The following GALNT3 variants were observed in gnomAD, a reference collection of about 807,000 sequenced individuals.
GALNT3 encodes the protein GalNAc transferase 3.
In GALNT3, 51 loss-of-function variants were observed where a neutral mutation model predicts 69.8. The ratio of observed to expected loss-of-function variants is 0.73; its 90% CI spans 0.58 to 0.92. The LOEUF is 0.92. Among genes scored for constraint, GALNT3 ranks in the 40% least tolerant of loss-of-function variants. The pLI, the probability that GALNT3 is intolerant of heterozygous loss-of-function variation, is 0.00. For missense variants in GALNT3, 711 were observed against 760.0 expected, an observed-to-expected ratio of 0.94 and a Z score of 0.76; for synonymous variants, 265 against 248.5, an observed-to-expected ratio of 1.07 and a Z score of -0.63.
At chr2:165,786,730 G>A (rs1021927303) in intron 1 of GALNT3, among the ~76,000 whole-genome samples, 2 of 152,094 alleles carry the variant, frequency 1.3e-5, no homozygotes, top group South Asian at 2.1e-4. Context: ...GTACTGCTTC[G>A]ACTTGAGTCT....
chr2:165,750,384 T>C (rs1688337688), intron 9 of GALNT3, among the ~76,000 whole-genome samples: 1 of 152,184 alleles, frequency 6.6e-6, no homozygotes, highest in African/African-American at 2.4e-5. Flanking sequence ...TTAATACGCA[T>C]AATACATTTA....
At chr2:165,771,308 C>T (rs1291002106) in intron 1 of GALNT3, 1 of 152,150 alleles carries the variant, frequency 6.6e-6, no homozygotes, top group Non-Finnish European at 1.5e-5. Context: ...GATAATACAG[C>T]AGTTTCATCA....
At chr2:165,782,360 T>C (rs1683127299) in intron 1 of GALNT3, among the ~76,000 whole-genome samples, 2 of 146,742 alleles carry the variant, frequency 1.4e-5, no homozygotes, top group African/African-American at 2.5e-5. Context: ...ACTAACACGA[T>C]AGCTGATGAG....
At chr2:165,787,043 G>A (rs144917521) in intron 1 of GALNT3, among the ~76,000 whole-genome samples, 11 of 152,260 alleles carry the variant, frequency 7.2e-5, no homozygotes, top group East Asian at 3.9e-4. Flanking sequence ...TGCCTCCTTC[G>A]TGGGGAAACT....
Position 165,748,551 on chromosome 2 carries a change from TACATCTGG to T in GALNT3, c.*222_*229del, listed in dbSNP as rs1688300634. ...ATCATACTGTAAACATCTCTTCCCCTACATCTGGACATTTTGAAATAGTCTTTGGTATT... is the reference window on the plus strand; with the variant it reads ...ATCATACTGTAAACATCTCTTCCCCTACATTTTGAAATAGTCTTTGGTATT... On this transcript the variant is annotated 3_prime_UTR_variant, in exon 11 of 11. Coordinates refer to ENST00000392701, the MANE Select transcript of GALNT3 (RefSeq NM_004482.4). 1 of 525,550 alleles carries T rather than the reference TACATCTGG, an allele frequency of 1.9e-6. No individual in the cohort carries two copies. The highest frequency in any genetic ancestry group is 3.3e-5 in the Admixed American group (1 of 30,624). 32.6% of individuals were successfully genotyped at this position (525,550 alleles called of 1,614,324 possible).
At chr2:165,759,012 A>G (rs1688495405) in intron 5 of GALNT3, 148 bp from the exon 6 acceptor site, 1 of 690,252 alleles carries the variant, frequency 1.4e-6, no homozygotes, top group Non-Finnish European at 2.5e-6. Context: ...GCTATCTTCA[A>G]AGTCAAGATT....
intron 6 of GALNT3, 187 bp downstream of exon 6, chr2:165,758,560 A>G: frequency 2.0e-6 from 1 of 494,030 alleles, no homozygotes; most frequent in Non-Finnish European, 3.6e-6. Flanking sequence ...TACACTGGCG[A>G]CAATGAATAA....
intron 1 of GALNT3, among the ~76,000 whole-genome samples, chr2:165,784,839 A>G (rs990934605): frequency 6.6e-6 from 1 of 152,244 alleles, no homozygotes; most frequent in Admixed American, 6.5e-5. Flanking sequence ...AGTTTTATCC[A>G]GTTCAAAATG....
intron 5 of GALNT3, 91 bp from the exon 6 acceptor site, chr2:165,758,955 A>G: frequency 1.2e-6 from 1 of 857,252 alleles, no homozygotes; most frequent in South Asian, 1.4e-5. Context: ...AATTAAAGCC[A>G]TATCACATTT....
chr2:165,761,522 A>G (rs1213904098), intron 4 of GALNT3, among the ~76,000 whole-genome samples: 2 of 152,078 alleles, frequency 1.3e-5, no homozygotes, highest in Non-Finnish European at 2.9e-5. Context: ...ACATTTAAAT[A>G]GTAAATAAGC....
chr2:165,792,953 G>T (rs1198650764), intron 1 of GALNT3, among the ~76,000 whole-genome samples: 1 of 152,158 alleles, frequency 6.6e-6, no homozygotes, highest in African/African-American at 2.4e-5. Context: ...GAATTTGACT[G>T]TAAATGTCTT....
At chr2:165,786,600 T>C (rs1683226805) in intron 1 of GALNT3, among the ~76,000 whole-genome samples, 1 of 152,244 alleles carries the variant, frequency 6.6e-6, no homozygotes, top group Non-Finnish European at 1.5e-5. Flanking sequence ...ACTGTGCTTT[T>C]TTATATTATT....
intron 1 of GALNT3, among the ~76,000 whole-genome samples, chr2:165,791,867 G>T (rs766052046): frequency 6.6e-6 from 1 of 152,146 alleles, no homozygotes; most frequent in Non-Finnish European, 1.5e-5. Flanking sequence ...TAGTTTCCAC[G>T]AAGTCAGGCA....
intron 1 of GALNT3, among the ~76,000 whole-genome samples, chr2:165,789,608 C>T (rs1318345590): frequency 6.6e-6 from 1 of 152,066 alleles, no homozygotes; most frequent in Non-Finnish European, 1.5e-5. Flanking sequence ...GATTTGACAG[C>T]CTGTAGTCTC....
At chr2:165,756,307 C>A (rs1212144324) in intron 7 of GALNT3, among the ~76,000 whole-genome samples, 2 of 152,082 alleles carry the variant, frequency 1.3e-5, no homozygotes, top group Non-Finnish European at 2.9e-5. Context: ...AGTTAATTTA[C>A]CTTATCTAAT....
chr2:165,791,406 G>C (rs2105235492), intron 1 of GALNT3, among the ~76,000 whole-genome samples: 1 of 152,146 alleles, frequency 6.6e-6, no homozygotes, highest in Non-Finnish European at 1.5e-5. Context: ...TCATAAAGCA[G>C]TCTAATTGTT....
At position 165,785,537 on chromosome 2, in the gene GALNT3, T is replaced by C. The variant is rs79423810; in HGVS notation, c.-109+8478A>G. 3.1e-3 allele frequency among the ~76,000 whole-genome samples: 478 copies of C among 152,266 alleles called. 4 individuals are homozygous for C. The highest frequency in any genetic ancestry group is 0.011 in the African/African-American group (464 of 41,540). ...AACAACTGCAACTACTAACACATTT[T>C]TAAGAATTAAATAAAACAGAAAGGA... On this transcript the variant is annotated intron_variant, in intron 1 of 10. Coordinates refer to ENST00000392701, the MANE Select transcript of GALNT3 (RefSeq NM_004482.4).
chr2:165,774,093 A>G (rs935265224), intron 1 of GALNT3, among the ~76,000 whole-genome samples: 1 of 152,194 alleles, frequency 6.6e-6, no homozygotes, highest in African/African-American at 2.4e-5. Context: ...AAGAATGGTC[A>G]AAATGTTGGG....
chr2:165,779,097 T>A (rs1251563992), intron 1 of GALNT3, among the ~76,000 whole-genome samples: 1 of 152,130 alleles, frequency 6.6e-6, no homozygotes. Flanking sequence ...AAAGCTGTGT[T>A]CTGCAGATAC....
Sources: allele counts gnomAD v4.1 joint callset (sites outside exome capture counted in the v4.1 genomes callset), GRCh38; gene constraint gnomAD v4.1.1; transcripts MANE v1.5; gene names NCBI Gene and HGNC (gene_info 2026-07-23, HGNC 2026-07-21).